The following TSHZ3 variants were observed in gnomAD, a reference collection of about 807,000 sequenced individuals.
TSHZ3 encodes the protein teashirt homolog 3.
TSHZ3 carries 10 observed loss-of-function variants against 64.5 expected under a neutral mutation model. That is an observed-to-expected ratio of 0.16 (90% CI 0.10 to 0.26). The LOEUF (loss-of-function observed/expected upper bound fraction) is 0.26, where lower values mean the gene tolerates loss of function less well. TSHZ3 is among the 10% of genes least tolerant of loss of function. TSHZ3 has a pLI of 1.00. For synonymous variants in TSHZ3, 608 were observed against 593.1 expected (o/e 1.03, Z -0.36); for missense variants, 1,242 against 1,421.7 (o/e 0.87, Z 2.03).
At chr19:31,213,803 T>C (rs1435523555) in intron 4 of TSHZ3, among the ~76,000 whole-genome samples, 1 of 152,218 alleles carries the variant, frequency 6.6e-6, no homozygotes, top group East Asian at 1.9e-4. Context: ...TAGCGCACGT[T>C]TGGTGCCCAG....
At chr19:31,324,327 T>A (rs1157796617) in intron 1 of TSHZ3, among the ~76,000 whole-genome samples, 1 of 152,206 alleles carries the variant, frequency 6.6e-6, no homozygotes, top group Non-Finnish European at 1.5e-5. Context: ...AGCAGCAAAG[T>A]TTGGAACAAG....
chr19:31,184,289 G>T (rs1974770602), intron 5 of TSHZ3, among the ~76,000 whole-genome samples: 1 of 152,188 alleles, frequency 6.6e-6, no homozygotes, highest in African/African-American at 2.4e-5. Flanking sequence ...CCAACTTTGT[G>T]AAGAGCCCTA....
chr19:31,329,306 T>G (rs1020674239), intron 1 of TSHZ3, among the ~76,000 whole-genome samples: 1 of 152,248 alleles, frequency 6.6e-6, no homozygotes, highest in Non-Finnish European at 1.5e-5. Flanking sequence ...TTCTTACTAC[T>G]GAAATGAAGG....
intron 1 of TSHZ3, among the ~76,000 whole-genome samples, chr19:31,317,294 G>C (rs1916629818): frequency 6.6e-6 from 1 of 152,178 alleles, no homozygotes; most frequent in South Asian, 2.1e-4. Flanking sequence ...GCCATCTCTG[G>C]GCAGCTGTTC....
At position 31,235,542 on chromosome 19, in the gene TSHZ3, ATG is replaced by A. The variant is rs373260594; in HGVS notation, n.550+6725_550+6726del. On this transcript the variant is annotated intron_variant and non_coding_transcript_variant, in intron 3 of 6. Transcript: ENST00000651361. ...TGATAGAACTTCCTCCAATGTGTGTATGTGTGTGTGTGTGTGTGTATCACATT... is the reference window on the plus strand; with the variant it reads ...TGATAGAACTTCCTCCAATGTGTGTATGTGTGTGTGTGTGTGTATCACATT... 1.3e-3 allele frequency among the ~76,000 whole-genome samples: 198 copies of A among 148,858 alleles called. No individual in the cohort carries two copies. In the South Asian group the frequency reaches 0.019, roughly 15 times the overall value.
chr19:31,213,344 G>C lies in TSHZ3; in HGVS notation n.687-8266C>G, dbSNP rs560793975. ...TGCACTCCAGCCTGAGCAACAGAGC[G>C]AGACTCTGTCTCAAAAAAAAAAAAA... On this transcript the variant is annotated intron_variant and non_coding_transcript_variant, in intron 4 of 6. Coordinates refer to the TSHZ3 transcript ENST00000651361. Among the ~76,000 whole-genome samples, 291 of 93,500 alleles carry C rather than the reference G, an allele frequency of 3.1e-3. 1 individual carries two copies. In the Middle Eastern group the frequency reaches 0.035, roughly 11 times the overall value. 61.3% of individuals were successfully genotyped at this position (93,500 alleles called of 152,430 possible).
chr19:31,312,429 G>A (rs374581868), intron 1 of TSHZ3, among the ~76,000 whole-genome samples: 14 of 152,116 alleles, frequency 9.2e-5, no homozygotes, highest in African/African-American at 3.4e-4. Context: ...TAGTCCTATC[G>A]GACAGCTCAG....
Position 31,291,997 on chromosome 19 carries a change from C to T in TSHZ3, c.41-12245G>A, listed in dbSNP as rs574282226. ...CAAGACTGGTAAAGGAAGTAAGCTGCCTGTGGGTGCCGTATTCCCATTCCT... is the reference window on the plus strand; with the variant it reads ...CAAGACTGGTAAAGGAAGTAAGCTGTCTGTGGGTGCCGTATTCCCATTCCT... On this transcript the variant is annotated intron_variant, in intron 1 of 1. Transcript: ENST00000240587. 5.9e-5 allele frequency among the ~76,000 whole-genome samples: 9 copies of T among 152,316 alleles called. No homozygotes were observed. The South Asian group carries it at 1.7e-3, about 28-fold the overall frequency.
chr19:31,290,158 G>T (rs1235888418), intron 1 of TSHZ3, among the ~76,000 whole-genome samples: 1 of 152,154 alleles, frequency 6.6e-6, no homozygotes, highest in Admixed American at 6.5e-5. Context: ...CCCACACAAT[G>T]GGCTGCTCAG....
chr19:31,343,116 C>T (rs1383095277), intron 1 of TSHZ3, among the ~76,000 whole-genome samples: 4 of 152,162 alleles, frequency 2.6e-5, no homozygotes, highest in Non-Finnish European at 5.9e-5. Flanking sequence ...TGGTAAGTTC[C>T]TTGTGCCCTC....
chr19:31,180,591 G>T (rs942554215), intron 5 of TSHZ3, among the ~76,000 whole-genome samples: 2 of 152,166 alleles, frequency 1.3e-5, no homozygotes, highest in Non-Finnish European at 2.9e-5. Flanking sequence ...ATCACCTTGG[G>T]ATTGTTGTGT....
chr19:31,269,638 A>C (rs1316474127), intron 1 of TSHZ3, among the ~76,000 whole-genome samples: 1 of 152,088 alleles, frequency 6.6e-6, no homozygotes, highest in Non-Finnish European at 1.5e-5. Context: ...GGCCTGGGAG[A>C]TCTCTAACTC....
Position 31,279,563 on chromosome 19 carries a change from T to G in TSHZ3, c.230A>C (p.His77Pro). The G allele has an allele frequency of 6.2e-7, 1 of 1,610,464 alleles. No homozygotes were observed. The highest frequency in any genetic ancestry group is 8.5e-7 in the Non-Finnish European group (1 of 1,177,426). The change falls in exon 2 of 2, where the codon CAC becomes CCC. Residue 77 changes from histidine (H) to proline (P), a missense_variant. Around this residue, in one of 4 missense-constraint regions of TSHZ3, gnomAD observed 555 missense variants for 704.0 expected, o/e 0.79. Coordinates refer to ENST00000240587, the MANE Select transcript of TSHZ3 (RefSeq NM_020856.4). This position sits in a 1 kb window ranked among gnomAD's most constrained non-coding sequence, Gnocchi z 6.4. ...FSCHEMDSES[H>P]ISETSDRMAD... is the part of the protein sequence containing the mutation. Reference sequence around the variant, plus strand: ...CATTCGGTCACTGGTCTCACTGATGTGTGACTCGCTGTCCATTTCATGGCA... The same window carrying G: ...CATTCGGTCACTGGTCTCACTGATGGGTGACTCGCTGTCCATTTCATGGCA...
chr19:31,207,160 T>A (rs1400693062), intron 4 of TSHZ3, among the ~76,000 whole-genome samples: 1 of 152,238 alleles, frequency 6.6e-6, no homozygotes. Flanking sequence ...ATGAAATACC[T>A]TTTAATGAAT....
chr19:31,346,230 C>G (rs2145203728), intron 1 of TSHZ3, among the ~76,000 whole-genome samples: 1 of 152,266 alleles, frequency 6.6e-6, no homozygotes, highest in African/African-American at 2.4e-5. Context: ...AGCTCTTGGC[C>G]TTTTGTGGTT....
intron 1 of TSHZ3, among the ~76,000 whole-genome samples, chr19:31,253,978 T>C (rs1175924448): frequency 6.6e-6 from 1 of 152,180 alleles, no homozygotes; most frequent in Non-Finnish European, 1.5e-5. Flanking sequence ...TGGGTGTGAC[T>C]AAGGCAGAGG....
chr19:31,221,565 C>T (rs1288787303), intron 4 of TSHZ3, among the ~76,000 whole-genome samples: 1 of 152,196 alleles, frequency 6.6e-6, no homozygotes, highest in Non-Finnish European at 1.5e-5. Context: ...GTTAGCTGGG[C>T]ACATTGAATA....
chr19:31,187,895 T>G (rs1974838002), intron 5 of TSHZ3, among the ~76,000 whole-genome samples: 1 of 152,106 alleles, frequency 6.6e-6, no homozygotes, highest in African/African-American at 2.4e-5. Flanking sequence ...AATATTGCTT[T>G]GGTTATTCTA....
chr19:31,172,845 G>A (rs1974554860), intron 5 of TSHZ3, among the ~76,000 whole-genome samples: 1 of 152,222 alleles, frequency 6.6e-6, no homozygotes, highest in Non-Finnish European at 1.5e-5. Context: ...GAGAATCTTA[G>A]GGAGAGAGGC....
Sources: gnomAD v4.1 joint callset for allele counts (sites outside exome capture counted in the v4.1 genomes callset) on GRCh38, gnomAD v4.1.1 for gene constraint, gnomAD v4.1.1 regional missense constraint, Gnocchi (gnomAD v3.1) non-coding constraint, MANE v1.5 for transcripts, NCBI Gene and HGNC (gene_info 2026-07-23, HGNC 2026-07-21) for gene names.